Variants in ERC1 observed in about 807,000 individuals in gnomAD.
ERC1 encodes the protein ELKS/RAB6-interacting/CAST family member 1.
In ERC1, 56 loss-of-function variants were observed where a neutral mutation model predicts 132.0. That is an observed-to-expected ratio of 0.42 (90% CI 0.34 to 0.53). The LOEUF (loss-of-function observed/expected upper bound fraction) is 0.53, where lower values mean the gene tolerates loss of function less well. ERC1 is among the 20% of genes least tolerant of loss of function. ERC1 has a pLI of 0.03. For synonymous variants in ERC1, 478 were observed against 476.1 expected, an observed-to-expected ratio of 1.00 and a Z score of -0.05; for missense variants, 1,202 against 1,349.9, an observed-to-expected ratio of 0.89 and a Z score of 1.72.
intron 17 of ERC1, among the ~76,000 whole-genome samples, chr12:1,418,641 T>TTCTCTCTC (rs1326722348): frequency 1.3e-5 from 1 of 78,834 alleles, no homozygotes; most frequent in African/African-American, 4.8e-5. Context: ...CTTTCTTTCT[T>TTCTCTCTC]TCTCTCTCTC....
chr12:1,212,867 G>A (rs1203390223), intron 12 of ERC1, among the ~76,000 whole-genome samples: 1 of 152,108 alleles, frequency 6.6e-6, no homozygotes. Context: ...TTCCTACCTG[G>A]CTTTCTCAAA....
chr12:1,227,003 A>G (rs1241606292), intron 12 of ERC1, among the ~76,000 whole-genome samples: 1 of 152,166 alleles, frequency 6.6e-6, no homozygotes, highest in Non-Finnish European at 1.5e-5. Context: ...GCTGATAAAT[A>G]TTCCATTTGA....
intron 2 of ERC1, among the ~76,000 whole-genome samples, chr12:1,056,719 C>A (rs1447951053): frequency 6.6e-6 from 1 of 152,110 alleles, no homozygotes; most frequent in Non-Finnish European, 1.5e-5. Flanking sequence ...GAAGGTGAAG[C>A]CTCCATGTTG....
chr12:1,153,540 C>T (rs1951028458), intron 8 of ERC1, among the ~76,000 whole-genome samples: 1 of 152,242 alleles, frequency 6.6e-6, no homozygotes, highest in African/African-American at 2.4e-5. Flanking sequence ...CAGTCAACAG[C>T]TCACAGTTTT....
intron 2 of ERC1, among the ~76,000 whole-genome samples, chr12:1,076,146 A>G (rs1941300027): frequency 1.3e-5 from 2 of 152,258 alleles, no homozygotes; most frequent in South Asian, 4.1e-4. Context: ...TGTTTTACCC[A>G]TTTGTGAGCT....
rs1269980982 is a variant in ERC1 at position 1,492,887 on chromosome 12, C to T, written c.*2657C>T. 8.7e-6 allele frequency: 2 copies of T among 229,728 alleles called. No individual in the cohort carries two copies. The highest frequency in any genetic ancestry group is 4.4e-5 in the African/African-American group (2 of 45,126). 14.2% of individuals were successfully genotyped at this position (229,728 alleles called of 1,614,324 possible). A position where few individuals can be genotyped will look rare whatever the true frequency, so the allele number is the denominator to read the frequency against. On this transcript the variant is annotated 3_prime_UTR_variant, in exon 19 of 19. Transcript: ENST00000360905. ...AGGACTTGTCATTCCATGCCCCTCT[C>T]CTAGTGGTCATGGTTTCATATGGGC...
chr12:1,431,232 A>G (rs1468026315), intron 17 of ERC1, among the ~76,000 whole-genome samples: 1 of 152,212 alleles, frequency 6.6e-6, no homozygotes, highest in African/African-American at 2.4e-5. Context: ...TCAGAAAGTT[A>G]GGCAGGGGAC....
At chr12:1,283,443 G>A (rs1181357623) in intron 14 of ERC1, among the ~76,000 whole-genome samples, 1 of 152,160 alleles carries the variant, frequency 6.6e-6, no homozygotes, top group Non-Finnish European at 1.5e-5. Context: ...CTCAGTGGTA[G>A]GCATGAAATG....
chr12:1,195,904 G>C (rs1452820853), intron 12 of ERC1, among the ~76,000 whole-genome samples: 1 of 130,450 alleles, frequency 7.7e-6, no homozygotes, highest in East Asian at 2.3e-4. Flanking sequence ...TGTAATGGAA[G>C]CAATCATTTT....
intron 12 of ERC1, among the ~76,000 whole-genome samples, chr12:1,209,987 G>A (rs1289489105): frequency 6.6e-6 from 1 of 152,188 alleles, no homozygotes; most frequent in African/African-American, 2.4e-5. Flanking sequence ...ATGGGTACAA[G>A]AGTCAGGTTA....
intron 12 of ERC1, among the ~76,000 whole-genome samples, chr12:1,228,047 T>C (rs2074728448): frequency 6.6e-6 from 1 of 152,226 alleles, no homozygotes; most frequent in Non-Finnish European, 1.5e-5. Flanking sequence ...AGTGTTTAGA[T>C]TTGTAACATA....
intron 15 of ERC1, among the ~76,000 whole-genome samples, chr12:1,317,962 G>A (rs550706376): frequency 8.3e-4 from 126 of 152,148 alleles, no homozygotes; most frequent in Non-Finnish European, 1.5e-3. Context: ...ATTTTATGTA[G>A]CATGTGTATA....
chr12:1,002,925 T>C (rs915812276), intron 1 of ERC1, among the ~76,000 whole-genome samples: 2 of 151,826 alleles, frequency 1.3e-5, no homozygotes, highest in African/African-American at 4.8e-5. Flanking sequence ...GTTGCAAATA[T>C]TTCCACCTTA....
At chr12:1,066,014 A>G (rs1054887203) in intron 2 of ERC1, among the ~76,000 whole-genome samples, 1 of 152,162 alleles carries the variant, frequency 6.6e-6, no homozygotes, top group African/African-American at 2.4e-5. Context: ...GGCTGGGAAG[A>G]ATGAGGAATG....
At chr12:1,387,372 G>C (rs1428458158) in intron 16 of ERC1, among the ~76,000 whole-genome samples, 1 of 152,180 alleles carries the variant, frequency 6.6e-6, no homozygotes, top group Non-Finnish European at 1.5e-5. Flanking sequence ...GGCTGTAGTA[G>C]ATGGAATGCC....
chr12:1,020,130 T>C (rs932130974), intron 1 of ERC1, among the ~76,000 whole-genome samples: 2 of 152,172 alleles, frequency 1.3e-5, no homozygotes, highest in Non-Finnish European at 2.9e-5. Context: ...TATCTCTTGC[T>C]GCTTTACAAA....
At chr12:1,367,646 T>C (rs1345529045) in intron 15 of ERC1, among the ~76,000 whole-genome samples, 1 of 152,120 alleles carries the variant, frequency 6.6e-6, no homozygotes, top group Non-Finnish European at 1.5e-5. Context: ...GATGTTTGCC[T>C]CCAGTTTCTG....
intron 18 of ERC1, among the ~76,000 whole-genome samples, chr12:1,456,051 C>T (rs540397795): frequency 1.3e-5 from 2 of 152,264 alleles, no homozygotes; most frequent in Admixed American, 1.3e-4. Context: ...TATGGGCCTC[C>T]TATGGCTCTC....
At chr12:1,385,200 A>G (rs918100803) in intron 16 of ERC1, among the ~76,000 whole-genome samples, 6 of 152,202 alleles carry the variant, frequency 3.9e-5, no homozygotes, top group African/African-American at 1.4e-4. Flanking sequence ...AACATTTCTT[A>G]ATTTCAATTT....
Sources: gnomAD v4.1 joint callset for allele counts (sites outside exome capture counted in the v4.1 genomes callset) on GRCh38, gnomAD v4.1.1 for gene constraint, MANE v1.5 for transcripts, NCBI Gene and HGNC (gene_info 2026-07-23, HGNC 2026-07-21) for gene names.